Variants in TRIP11 observed in about 807,000 individuals in gnomAD.
TRIP11 encodes thyroid receptor-interacting protein 11.
A neutral mutation model predicts 223.1 loss-of-function variants in TRIP11; 148 were observed. The ratio of observed to expected loss-of-function variants is 0.66; its 90% CI spans 0.58 to 0.76. The LOEUF (loss-of-function observed/expected upper bound fraction) is 0.76, where lower values mean the gene tolerates loss of function less well. Ranked by LOEUF, TRIP11 falls within the 30% of genes least tolerant of loss-of-function variation. TRIP11 has a pLI of 0.00. For synonymous variants in TRIP11, 762 were observed against 772.6 expected (o/e 0.99, Z 0.23); for missense variants, 2,043 against 2,222.0 (o/e 0.92, Z 1.62).
intron 9 of TRIP11, among the ~76,000 whole-genome samples, chr14:92,008,554 T>C (rs1209610513): frequency 3.9e-5 from 6 of 152,242 alleles, no homozygotes; most frequent in South Asian, 2.1e-4. Flanking sequence ...TGGTATTTAA[T>C]GCTTTCTCCA....
intron 3 of TRIP11, among the ~76,000 whole-genome samples, chr14:92,024,832 TA>T (rs2057161490): frequency 6.6e-6 from 1 of 152,204 alleles, no homozygotes; most frequent in African/African-American, 2.4e-5. Context: ...TTAAATTATA[TA>T]ATATCTACTA....
chr14:91,988,300 T>G lies in TRIP11; in HGVS notation c.5244A>C (p.Glu1748Asp). 6.2e-7 allele frequency: 1 copy of G among 1,612,422 alleles called. No individual in the cohort carries two copies. The highest frequency in any genetic ancestry group is 8.5e-7 in the Non-Finnish European group (1 of 1,179,444). Residue 1748 changes from glutamate (E) to aspartate (D), a missense_variant, in exon 16 of 21, where the codon GAA becomes GAC. Transcript: ENST00000267622. ...EQLDVKEEQIEELKRQNELRQ... is the reference protein window; with the variant it reads ...EQLDVKEEQIDELKRQNELRQ... ...AAAACCTACTTTGTCTTTTAAGTTC[T>G]TCAATTTGTTCTTCTTTTACATCTA... is the stretch of plus-strand genomic sequence containing the variant.
chr14:91,986,069 T>A (rs1375565258), intron 16 of TRIP11, among the ~76,000 whole-genome samples: 1 of 152,246 alleles, frequency 6.6e-6, no homozygotes, highest in African/African-American at 2.4e-5. Context: ...TGTGCAACAC[T>A]GGCCTCTTGC....
rs1211000138 is a variant in TRIP11, at chr14:91,981,008, A to ATTTTTTTTTTTT, written c.5261-4820_5261-4819insAAAAAAAAAAAA. ...ATGTATATTATATATATATATATATATATATTTTTTTTTTTTTTTTTTTTT... is the reference window on the plus strand; with the variant it reads ...ATGTATATTATATATATATATATATATTTTTTTTTTTTTATATTTTTTTTTTTTTTTTTTTTT... On this transcript the variant is annotated intron_variant, in intron 16 of 20. Transcript: ENST00000267622. Among the ~76,000 whole-genome samples, 4 of 78,322 alleles carry ATTTTTTTTTTTT rather than the reference A, an allele frequency of 5.1e-5. 1 individual carries two copies. The highest frequency in any genetic ancestry group is 1.3e-4 in the African/African-American group (2 of 15,540). 51.4% of individuals were successfully genotyped at this position (78,322 alleles called of 152,430 possible).
rs191922766 is a variant in TRIP11 at position 92,000,844 on chromosome 14, C to A, written c.4558-736G>T. On this transcript the variant is annotated intron_variant, in intron 11 of 20. Coordinates refer to ENST00000267622, the MANE Select transcript of TRIP11 (RefSeq NM_004239.4). Reference sequence around the variant, plus strand: ...CACAAAAACGTGTCAGGCTGCTTTACAGCCACTTTCTTTTTTTTTCTTTTT... The same window carrying A: ...CACAAAAACGTGTCAGGCTGCTTTAAAGCCACTTTCTTTTTTTTTCTTTTT... 2.6e-5 allele frequency among the ~76,000 whole-genome samples: 4 copies of A among 151,792 alleles called. No individual in the cohort carries two copies. The East Asian group carries it at 7.7e-4, about 29-fold the overall frequency.
In TRIP11 at chr14:92,014,538, T is replaced by C. The variant is rs769561687; in HGVS notation, c.863A>G (p.Tyr288Cys). 5 of 1,599,694 alleles carry C rather than the reference T, an allele frequency of 3.1e-6. No individual in the cohort carries two copies. The highest frequency in any genetic ancestry group is 3.4e-6 in the Non-Finnish European group (4 of 1,176,820). The change falls in exon 7 of 21, where the codon TAT becomes TGT. Residue 288 changes from tyrosine to cysteine, a missense_variant. Transcript: ENST00000267622. The part of the protein sequence containing the change: ...GVIETDLSKI[Y>C]EMQKTIQVLQ... The stretch of plus-strand genomic sequence containing the variant: ...AACTTGAATAGTTTTTTGCATCTCA[T>C]AGATTTTAGAGAGATCAGTTTCTAT...
In TRIP11 at chr14:91,976,111, T is replaced by C; in HGVS notation, c.5339A>G (p.Asp1780Gly). ...SLANSSEGKV[D>G]KVLMRNLFIG... Reference sequence around the variant, plus strand: ...ACATTAAAAGCAAAAAGCATACTTGTCTACTTTTCCTTCTGAGCTGTTTGC... The same window carrying C: ...ACATTAAAAGCAAAAAGCATACTTGCCTACTTTTCCTTCTGAGCTGTTTGC... Residue 1780 changes from aspartate (D) to glycine (G), a missense_variant, in exon 17 of 21, where the codon GAC (aspartate) becomes GGC (glycine). Transcript: ENST00000267622. 1 of 1,611,968 alleles carries C rather than the reference T, an allele frequency of 6.2e-7. No homozygotes were observed. Among genetic ancestry groups the C allele is most frequent in the Non-Finnish European group, 8.5e-7 (1 of 1,179,642 alleles).
intron 8 of TRIP11, 57 bp downstream of exon 8, chr14:92,011,698 G>T: frequency 7.1e-7 from 1 of 1,416,042 alleles, no homozygotes; most frequent in Non-Finnish European, 9.9e-7. Flanking sequence ...TTCTCACTTG[G>T]TATAGGATCT....
intron 16 of TRIP11, among the ~76,000 whole-genome samples, chr14:91,981,140 C>T (rs896630290): frequency 5.4e-5 from 8 of 148,442 alleles, no homozygotes; most frequent in Non-Finnish European, 7.4e-5. Flanking sequence ...CTCGGTCTCG[C>T]GAGTAGCTGG....
At chr14:91,971,662 T>G (rs1277897610) in intron 20 of TRIP11, among the ~76,000 whole-genome samples, 1 of 151,170 alleles carries the variant, frequency 6.6e-6, no homozygotes, top group Non-Finnish European at 1.5e-5. Flanking sequence ...CATAATGAAT[T>G]TGGGAATCTG....
chr14:92,014,156 T>C, intron 7 of TRIP11, 59 bp downstream of exon 7: 1 of 1,608,964 alleles, frequency 6.2e-7, no homozygotes, highest in Middle Eastern at 1.7e-4. Context: ...CATCTGTCTC[T>C]AAAAACAACT....
chr14:92,013,246 T>C (rs940822609), intron 7 of TRIP11, among the ~76,000 whole-genome samples: 3 of 151,920 alleles, frequency 2.0e-5, no homozygotes, highest in Non-Finnish European at 4.4e-5. Context: ...CAGTCTGAGC[T>C]ACAGAGCGAG....
intron 14 of TRIP11, among the ~76,000 whole-genome samples, chr14:91,994,513 G>A (rs889736017): frequency 6.6e-6 from 1 of 152,036 alleles, no homozygotes; most frequent in Non-Finnish European, 1.5e-5. Context: ...CAAAGTGCTG[G>A]GATTACAGGC....
chr14:92,028,425 C>T (rs1203455337), intron 2 of TRIP11, among the ~76,000 whole-genome samples: 1 of 152,066 alleles, frequency 6.6e-6, no homozygotes, highest in African/African-American at 2.4e-5. Flanking sequence ...TGTTGGCTTG[C>T]ACCCATAGTC....
rs780174930 is a variant in TRIP11, at chr14:92,026,554, G to C, written c.202-1134C>G. 219 of 1,261,474 alleles carry C rather than the reference G, an allele frequency of 1.7e-4. 1 individual carries two copies. Among genetic ancestry groups the C allele is most frequent in the African/African-American group, 7.4e-5 (5 of 68,004 alleles). The allele number at this position is 1,261,474 out of a possible 1,614,324, so 78.1% of individuals were successfully genotyped here. A position where few individuals can be genotyped will look rare whatever the true frequency, so the allele number is the denominator to read the frequency against. On this transcript the variant is annotated intron_variant, in intron 2 of 20. Transcript: ENST00000267622. The stretch of plus-strand genomic sequence containing the variant: ...TTTAATCCCCTGCATCGGATCACTG[G>C]CGTGCCCTACCATGTCAGACGCAGC...
chr14:91,977,271 A>C (rs2056477450), intron 16 of TRIP11: 2 of 451,788 alleles, frequency 4.4e-6, no homozygotes, highest in South Asian at 1.6e-5. Context: ...AAAAGTTTTC[A>C]ATTTTTATGA....
intron 15 of TRIP11, among the ~76,000 whole-genome samples, chr14:91,993,509 T>C (rs1010752723): frequency 4.2e-5 from 6 of 144,458 alleles, no homozygotes; most frequent in African/African-American, 7.8e-5. Flanking sequence ...AGAGAGAAAA[T>C]TATAAAGTTA....
At chr14:92,033,713 G>A (rs544071994) in intron 1 of TRIP11, among the ~76,000 whole-genome samples, 1 of 152,094 alleles carries the variant, frequency 6.6e-6, no homozygotes, top group Non-Finnish European at 1.5e-5. Context: ...AACCTGAGAG[G>A]GGTGTTCGGC....
rs1450090391 is a variant in TRIP11 at position 92,011,767 on chromosome 14, A to T, written c.1215T>A (p.Ser405Arg). Residue 405 changes from serine to arginine, a missense_variant, in exon 8 of 21, where the codon AGT (serine) becomes AGA (arginine). Transcript: ENST00000267622. ...AAAATTAATTTACCTGGTTTAAACT[A>T]CTCAATCTCATTATTTCATTTTCGG... ...SDAENEIMRL[S>R]SLNQDNSLAE... 1 of 1,611,946 alleles carries T rather than the reference A, an allele frequency of 6.2e-7. No homozygotes were observed.
Sources: allele counts gnomAD v4.1 joint callset (sites outside exome capture counted in the v4.1 genomes callset), GRCh38; gene constraint gnomAD v4.1.1; transcripts MANE v1.5; gene names NCBI Gene and HGNC (gene_info 2026-07-23, HGNC 2026-07-21).